Variants in SLC16A4 observed in about 807,000 individuals in gnomAD.
SLC16A4 encodes probable monocarboxylate transporter 5.
In SLC16A4, 39 loss-of-function variants were observed where a neutral mutation model predicts 47.9. That is an observed-to-expected ratio of 0.81 (90% CI 0.63 to 1.06). The LOEUF is 1.06. Ranked by LOEUF, SLC16A4 falls within the 50% of genes least tolerant of loss-of-function variation. SLC16A4 has a pLI of 0.00. For missense variants in SLC16A4, 524 were observed against 573.8 expected (o/e 0.91, Z 0.89); for synonymous variants, 189 against 199.9 (o/e 0.95, Z 0.46).
rs747026346 is a variant in SLC16A4 at position 110,377,154 on chromosome 1, A to G, written c.1038T>C (p.Leu346=). The change falls in exon 7 of 9, where the codon CTT becomes CTC. Residue 346 remains leucine, a synonymous_variant. Transcript: ENST00000369779. Reference sequence around the variant, plus strand: ...CAGAAATAATCTGACTGACCGTCTCAAGGATACCTGGAACAATATTGAAAT... The same window carrying G: ...CAGAAATAATCTGACTGACCGTCTCGAGGATACCTGGAACAATATTGAAAT... ...ASYLVSVAGI[L]ETVSQIISGW... 1 of 1,613,376 alleles carries G rather than the reference A, an allele frequency of 6.2e-7. No individual in the cohort carries two copies. The highest frequency in any genetic ancestry group is 8.5e-7 in the Non-Finnish European group (1 of 1,179,376).
At chr1:110,385,094 G>C (rs1232615103) in intron 2 of SLC16A4, among the ~76,000 whole-genome samples, 1 of 152,116 alleles carries the variant, frequency 6.6e-6, no homozygotes, top group Non-Finnish European at 1.5e-5. Context: ...TTACAGTTCT[G>C]TACTCATCTC....
intron 2 of SLC16A4, among the ~76,000 whole-genome samples, chr1:110,384,492 C>G (rs772792848): frequency 2.0e-5 from 3 of 152,190 alleles, no homozygotes; most frequent in Non-Finnish European, 4.4e-5. Context: ...GGAGTATTAA[C>G]TTTTATTTCT....
intron 8 of SLC16A4, chr1:110,375,078 C>G (rs1410972445): frequency 1.2e-5 from 2 of 164,926 alleles, no homozygotes; most frequent in South Asian, 1.9e-4. Flanking sequence ...GTGATACCCC[C>G]GCCTTGGCCT....
At chr1:110,385,236 C>G (rs1662671304) in intron 2 of SLC16A4, among the ~76,000 whole-genome samples, 1 of 152,148 alleles carries the variant, frequency 6.6e-6, no homozygotes. Context: ...GTTCTTCCTA[C>G]TGGGGCGTGA....
chr1:110,368,947 G>C (rs1661543346), intron 8 of SLC16A4, among the ~76,000 whole-genome samples: 1 of 150,932 alleles, frequency 6.6e-6, no homozygotes, highest in Non-Finnish European at 1.5e-5. Flanking sequence ...GTTAAGCTAA[G>C]TTATGAATCT....
At chr1:110,382,713 C>T in intron 3 of SLC16A4, 121 bp downstream of exon 3, 2 of 992,378 alleles carry the variant, frequency 2.0e-6, no homozygotes, top group Admixed American at 5.6e-5. Flanking sequence ...CTCAGCGTTA[C>T]ATATCAGTAA....
intron 5 of SLC16A4, 134 bp from the exon 6 acceptor site, chr1:110,379,490 CT>C: frequency 1.2e-6 from 1 of 810,398 alleles, no homozygotes; most frequent in Non-Finnish European, 1.9e-6. Flanking sequence ...TCCGATTTGA[CT>C]TATTAGTCAT....
Position 110,385,328 on chromosome 1 carries a change from T to C in SLC16A4, c.88-2362A>G, listed in dbSNP as rs376500116. ...GGAGGCGGCATTGGGGATGAAAATA[T>C]TACCTAGCTCATAAGACTGTGAAGA... On this transcript the variant is annotated intron_variant, in intron 2 of 8. Transcript: ENST00000369779. 2.5e-3 allele frequency among the ~76,000 whole-genome samples: 381 copies of C among 152,278 alleles called. 16 individuals carry two copies. In the South Asian group the frequency reaches 0.072, roughly 29 times the overall value.
intron 8 of SLC16A4, among the ~76,000 whole-genome samples, chr1:110,366,511 C>T (rs1024249632): frequency 1.3e-5 from 2 of 152,182 alleles, no homozygotes; most frequent in African/African-American, 4.8e-5. Flanking sequence ...GGACAAACCT[C>T]ATGAGGTTAT....
At chr1:110,368,036 G>C (rs533642663) in intron 8 of SLC16A4, among the ~76,000 whole-genome samples, 1 of 152,260 alleles carries the variant, frequency 6.6e-6, no homozygotes, top group Non-Finnish European at 1.5e-5. Context: ...CACCATGTTA[G>C]CCAGGATGGT....
In SLC16A4 at chr1:110,389,373, C is replaced by T; in HGVS notation, c.-32-18G>A. On this transcript the variant is annotated intron_variant, in intron 1 of 8. Coordinates refer to ENST00000369779, the MANE Select transcript of SLC16A4 (RefSeq NM_004696.3). The stretch of plus-strand genomic sequence containing the variant: ...GAAGATCCCTGTGATAAATCCAAGA[C>T]AGTTGATTCAGTGGACCAGAAACTA... 1 of 1,328,006 alleles carries T rather than the reference C, an allele frequency of 7.5e-7. No individual in the cohort carries two copies. The highest frequency in any genetic ancestry group is 1.4e-5 in the African/African-American group (1 of 69,198). 82.3% of individuals were successfully genotyped at this position (1,328,006 alleles called of 1,614,324 possible). A position where few individuals can be genotyped will look rare whatever the true frequency, so the allele number is the denominator to read the frequency against.
intron 8 of SLC16A4, among the ~76,000 whole-genome samples, chr1:110,368,615 A>G (rs1459772582): frequency 1.3e-5 from 2 of 152,208 alleles, no homozygotes; most frequent in African/African-American, 4.8e-5. Flanking sequence ...CTTTTCTTAT[A>G]TCTATGGCTA....
chr1:110,372,786 C>T (rs566808306), intron 8 of SLC16A4: 1 of 152,074 alleles, frequency 6.6e-6, no homozygotes, highest in Non-Finnish European at 1.5e-5. Flanking sequence ...TGTATGGCTG[C>T]CTAAGTAATA....
Position 110,377,056 on chromosome 1 carries a change from G to C in SLC16A4, c.1136C>G (p.Thr379Ser). ...HKSYLILCGITNLLAPLATTF... is the reference protein window; with the variant it reads ...HKSYLILCGISNLLAPLATTF... ...GGTGGCTAAAGGAGCAAGCAGGTTAGTGATGCCGCAGAGGATGAGGTAAGA... is the reference window on the plus strand; with the variant it reads ...GGTGGCTAAAGGAGCAAGCAGGTTACTGATGCCGCAGAGGATGAGGTAAGA... The change falls in exon 7 of 9, where the codon ACT (threonine) becomes AGT (serine). Residue 379 changes from threonine (T) to serine (S), a missense_variant. Thr to Ser is a moderately conservative substitution (Grantham distance 58). Transcript: ENST00000369779. 1 of 1,614,150 alleles carries C rather than the reference G, an allele frequency of 6.2e-7. No homozygotes were observed. The highest frequency in any genetic ancestry group is 8.5e-7 in the Non-Finnish European group (1 of 1,180,006).
rs189383359 is a variant in SLC16A4 at position 110,375,081 on chromosome 1, C to T, written c.1336+377G>A. 95 of 166,016 alleles carry T rather than the reference C, an allele frequency of 5.7e-4. 1 individual carries two copies. In the East Asian group the frequency reaches 0.013, roughly 22 times the overall value. 10.3% of individuals were successfully genotyped at this position (166,016 alleles called of 1,614,324 possible). A position where few individuals can be genotyped will look rare whatever the true frequency, so the allele number is the denominator to read the frequency against. On this transcript the variant is annotated intron_variant, in intron 8 of 8. Coordinates refer to ENST00000369779, the MANE Select transcript of SLC16A4 (RefSeq NM_004696.3). ...CCCTCAGCTCAAGTGATACCCCCGCCTTGGCCTCCCAGAGTGCTAGAATTA... is the reference window on the plus strand; with the variant it reads ...CCCTCAGCTCAAGTGATACCCCCGCTTTGGCCTCCCAGAGTGCTAGAATTA...
rs2271885 is a variant in SLC16A4 at position 110,379,093 on chromosome 1, T to G, written c.790A>C (p.Asn264His). ...VSQNQSEEFY[N>H]GPNRNRLLLK... ...AACAGTCTGTTCCTGTTAGGCCCAT[T>G]GTAGAACTCTTCACTTTGATTTTGT... Residue 264 changes from asparagine (N) to histidine (H), a missense_variant, in exon 6 of 9, where the codon AAT becomes CAT. Physicochemically the swap from Asn to His is moderately conservative, Grantham distance 68 (BLOSUM62 1). Transcript: ENST00000369779. The G allele has an allele frequency of 0.061, 98,048 of 1,614,164 alleles. 3,941 individuals carry two copies. The highest frequency in any genetic ancestry group is 0.16 in the East Asian group (7,182 of 44,886).
At position 110,380,979 on chromosome 1, in the gene SLC16A4, T is replaced by C; in HGVS notation, c.526+3A>G. 1 of 1,613,192 alleles carries C rather than the reference T, an allele frequency of 6.2e-7. No homozygotes were observed. Among genetic ancestry groups the C allele is most frequent in the South Asian group, 1.1e-5 (1 of 91,034 alleles). ...GATAGTAAATAAACTTAGAATGACG[T>C]ACCTGTCCAGTCATACAGATCTATC... On this transcript the variant is annotated splice_donor_region_variant and intron_variant, in intron 5 of 8. Coordinates refer to ENST00000369779, the MANE Select transcript of SLC16A4 (RefSeq NM_004696.3).
chr1:110,380,279 T>G (rs1417049695), intron 5 of SLC16A4, among the ~76,000 whole-genome samples: 1 of 152,148 alleles, frequency 6.6e-6, no homozygotes, highest in Admixed American at 6.5e-5. Context: ...ATTTGTCAGC[T>G]GGTCCCATTC....
At chr1:110,378,342 T>C (rs972885336) in intron 6 of SLC16A4, among the ~76,000 whole-genome samples, 3 of 152,208 alleles carry the variant, frequency 2.0e-5, no homozygotes, top group South Asian at 2.1e-4. Flanking sequence ...GACAATCTTA[T>C]GAGGGTAGAT....
Sources: gnomAD v4.1 joint callset for allele counts (sites outside exome capture counted in the v4.1 genomes callset) on GRCh38, gnomAD v4.1.1 for gene constraint, MANE v1.5 for transcripts, NCBI Gene and HGNC (gene_info 2026-07-23, HGNC 2026-07-21) for gene names.